Variants in TOM1L2 observed in about 807,000 individuals in gnomAD.
TOM1L2 encodes TOM1-like protein 2.
A neutral mutation model predicts 67.9 loss-of-function variants in TOM1L2; 31 were observed. The ratio of observed to expected loss-of-function variants is 0.46; its 90% CI spans 0.34 to 0.62. The LOEUF is 0.62. TOM1L2 is among the 20% of genes least tolerant of loss of function. The probability of loss-of-function intolerance (pLI) is 0.01; values close to 1 mark genes in which losing one functional copy is unlikely to be tolerated. For synonymous variants in TOM1L2, 256 were observed against 254.0 expected, an observed-to-expected ratio of 1.01 and a Z score of -0.07; for missense variants, 606 against 663.5, an observed-to-expected ratio of 0.91 and a Z score of 0.95.
intron 2 of TOM1L2, among the ~76,000 whole-genome samples, chr17:17,903,087 CAAG>C (rs908823759): frequency 1.6e-4 from 24 of 152,244 alleles, no homozygotes; most frequent in Admixed American, 1.3e-3. Context: ...TCACTTCCTC[CAAG>C]AAGGCTTTGC....
At chr17:17,866,693 TG>T (rs1568101599) in intron 9 of TOM1L2, among the ~76,000 whole-genome samples, 182 bp downstream of exon 9, 1 of 152,176 alleles carries the variant, frequency 6.6e-6, no homozygotes, top group African/African-American at 2.4e-5. Context: ...AGGGCTTGCT[TG>T]CCACCTTCCC....
At chr17:17,901,156 C>G (rs144393419) in intron 2 of TOM1L2, among the ~76,000 whole-genome samples, 186 of 152,186 alleles carry the variant, frequency 1.2e-3, no homozygotes, top group African/African-American at 4.2e-3. Context: ...TGGGTGAGCA[C>G]AAAAGCAAGT....
chr17:17,862,559 A>C, intron 11 of TOM1L2, 172 bp downstream of exon 11: 2 of 615,554 alleles, frequency 3.2e-6, no homozygotes, highest in African/African-American at 1.9e-5. Flanking sequence ...GGAGGTGGGC[A>C]GTTGGTATTT....
At chr17:17,911,666 T>A (rs961289437) in intron 1 of TOM1L2, among the ~76,000 whole-genome samples, 5 of 151,998 alleles carry the variant, frequency 3.3e-5, no homozygotes, top group South Asian at 2.1e-4. Flanking sequence ...TTAATTTTTT[T>A]ATTTTTTATT....
At chr17:17,948,234 T>G (rs374954415) in intron 1 of TOM1L2, among the ~76,000 whole-genome samples, 9 of 152,334 alleles carry the variant, frequency 5.9e-5, no homozygotes, top group East Asian at 5.8e-4. Context: ...CTGGATAATC[T>G]TGATACCAAG....
chr17:17,906,938 G>A (rs1432698302), intron 2 of TOM1L2, among the ~76,000 whole-genome samples: 7 of 152,234 alleles, frequency 4.6e-5, no homozygotes, highest in Non-Finnish European at 8.8e-5. Flanking sequence ...CAACAGGAAC[G>A]GATCCAGCAG....
chr17:17,850,798 G>A lies in TOM1L2; in HGVS notation c.1338+95C>T, dbSNP rs2035926036. On this transcript the variant is annotated intron_variant, in intron 13 of 14. Coordinates refer to ENST00000379504, the MANE Select transcript of TOM1L2 (RefSeq NM_001082968.2). ...TCCCTTCTCCACTGACCCAGACAGG[G>A]GTGGAGCCCCTGCTGATGCTCCCCC... The A allele has an allele frequency of 3.7e-6, 5 of 1,346,068 alleles. No homozygotes were observed. The East Asian group carries it at 1.2e-4, about 31-fold the overall frequency. The allele number at this position is 1,346,068 out of a possible 1,614,324, so 83.4% of individuals were successfully genotyped here.
At chr17:17,945,267 T>TAC (rs143501362) in intron 1 of TOM1L2, among the ~76,000 whole-genome samples, 5,654 of 147,074 alleles carry the variant, frequency 0.038, 105 homozygotes, top group Middle Eastern at 0.046. Flanking sequence ...CACACACACA[T>TAC]ACACACACAC....
At chr17:17,935,449 GAA>G (rs886413843) in intron 1 of TOM1L2, among the ~76,000 whole-genome samples, 5 of 152,232 alleles carry the variant, frequency 3.3e-5, no homozygotes, top group African/African-American at 1.2e-4. Flanking sequence ...CTGAATGGCA[GAA>G]AAGTGACCTT....
At chr17:17,896,493 C>T (rs2144263955) in intron 3 of TOM1L2, among the ~76,000 whole-genome samples, 1 of 152,292 alleles carries the variant, frequency 6.6e-6, no homozygotes, top group Admixed American at 6.5e-5. Context: ...CAGTGTGTCC[C>T]AGCCTGGTCT....
intron 1 of TOM1L2, among the ~76,000 whole-genome samples, chr17:17,969,217 C>T (rs918262130): frequency 6.6e-6 from 1 of 151,976 alleles, no homozygotes; most frequent in African/African-American, 2.4e-5. Context: ...CCACCACACC[C>T]GGCTCATTTT....
In TOM1L2 at chr17:17,857,836, TG is replaced by T. The variant is rs1270377428; in HGVS notation, c.1278+3639del. 12 of 1,535,612 alleles carry T rather than the reference TG, an allele frequency of 7.8e-6. No individual in the cohort carries two copies. In the South Asian group the frequency reaches 1.3e-4, roughly 17 times the overall value. ...AGACTCCCCACCTCTACCTCTCTTC[TG>T]GGCCGAGGACAGAAAAGTCTCAGAA... On this transcript the variant is annotated intron_variant, in intron 12 of 14. Coordinates refer to ENST00000379504, the MANE Select transcript of TOM1L2 (RefSeq NM_001082968.2).
intron 8 of TOM1L2, chr17:17,869,114 G>A (rs776751795): frequency 6.1e-5 from 46 of 748,536 alleles, no homozygotes; most frequent in Non-Finnish European, 8.5e-5. Flanking sequence ...AAAGGGCAGA[G>A]CCTAATTCTG....
intron 1 of TOM1L2, among the ~76,000 whole-genome samples, chr17:17,928,987 C>A (rs1160188144): frequency 1.3e-5 from 2 of 152,172 alleles, no homozygotes; most frequent in African/African-American, 4.8e-5. Context: ...ACAGAAAAAT[C>A]CCATTTTGTT....
At chr17:17,875,275 A>G (rs145458248) in intron 7 of TOM1L2, among the ~76,000 whole-genome samples, 46 of 152,040 alleles carry the variant, frequency 3.0e-4, no homozygotes, top group Middle Eastern at 3.4e-3. Context: ...AAAAGAAAAA[A>G]AAAAAAAAAG....
intron 1 of TOM1L2, among the ~76,000 whole-genome samples, chr17:17,960,230 A>G (rs1430207150): frequency 1.3e-5 from 2 of 152,202 alleles, no homozygotes; most frequent in African/African-American, 4.8e-5. Context: ...AACAATACTA[A>G]GCTCTCTGGT....
chr17:17,843,923 G>A lies in TOM1L2; in HGVS notation c.*3712C>T, dbSNP rs933020284. ...AAGCCTGACTTGGACCCCACAGATA[G>A]GAAGGGCTGGTGACGGGCACTGGGG... On this transcript the variant is annotated 3_prime_UTR_variant, in exon 15 of 15. Coordinates refer to ENST00000379504, the MANE Select transcript of TOM1L2 (RefSeq NM_001082968.2). 6.6e-6 allele frequency: 1 copy of A among 152,480 alleles called. No individual in the cohort carries two copies. Among genetic ancestry groups the A allele is most frequent in the African/African-American group, 2.4e-5 (1 of 41,456 alleles). 9.4% of individuals were successfully genotyped at this position (152,480 alleles called of 1,614,324 possible).
intron 3 of TOM1L2, among the ~76,000 whole-genome samples, chr17:17,894,574 A>C (rs78435472): frequency 0.025 from 3,781 of 152,308 alleles, 131 homozygotes; most frequent in African/African-American, 0.08. Context: ...CAGCATCCTC[A>C]TCTGTAAAGC....
intron 1 of TOM1L2, among the ~76,000 whole-genome samples, chr17:17,971,906 C>T (rs2042107129): frequency 6.6e-6 from 1 of 152,240 alleles, no homozygotes; most frequent in South Asian, 2.1e-4. Flanking sequence ...GACACAGATG[C>T]CCTGCCTGCC....
Sources: gnomAD v4.1 joint callset for allele counts (sites outside exome capture counted in the v4.1 genomes callset) on GRCh38, gnomAD v4.1.1 for gene constraint, MANE v1.5 for transcripts, NCBI Gene and HGNC (gene_info 2026-07-23, HGNC 2026-07-21) for gene names.